The following VSNL1 variants were observed in gnomAD, a reference collection of about 807,000 sequenced individuals.
The protein encoded by VSNL1 is visinin-like protein 1.
Under a neutral mutation model 20.4 loss-of-function variants are expected in VSNL1, and 6 were observed. That is an observed-to-expected ratio of 0.29 (90% CI 0.16 to 0.58). The LOEUF (loss-of-function observed/expected upper bound fraction) is 0.58. Among genes scored for constraint, VSNL1 ranks in the 20% least tolerant of loss-of-function variants. VSNL1 has a pLI of 0.90. For missense variants in VSNL1, 100 were observed against 234.5 expected (o/e 0.43, Z 3.75); for synonymous variants, 93 against 86.4 (o/e 1.08, Z -0.42).
chr2:17,546,301 A>G (rs956487245), intron 1 of VSNL1, among the ~76,000 whole-genome samples: 1 of 152,006 alleles, frequency 6.6e-6, no homozygotes, highest in Non-Finnish European at 1.5e-5. Context: ...GAAAATAGAA[A>G]TCTCTCACTT....
intron 2 of VSNL1, among the ~76,000 whole-genome samples, chr2:17,644,440 C>A (rs1218171827): frequency 6.6e-6 from 1 of 152,090 alleles, no homozygotes; most frequent in Non-Finnish European, 1.5e-5. Flanking sequence ...TGACAGTGCA[C>A]GAGGGGCCCC....
chr2:17,605,331 A>T (rs1287763154), intron 2 of VSNL1, among the ~76,000 whole-genome samples: 2 of 152,160 alleles, frequency 1.3e-5, no homozygotes, highest in African/African-American at 4.8e-5. Context: ...CCTCCAATCC[A>T]TGTGAACCAG....
At chr2:17,592,645 T>C (rs1201040529) in intron 2 of VSNL1, among the ~76,000 whole-genome samples, 1 of 1,748 alleles carries the variant, frequency 5.7e-4, no homozygotes, top group East Asian at 0.25. Flanking sequence ...TCTCTCTTTT[T>C]TTTTTTTTTT....
At chr2:17,570,823 G>T (rs1156645414) in intron 1 of VSNL1, among the ~76,000 whole-genome samples, 1 of 152,120 alleles carries the variant, frequency 6.6e-6, no homozygotes, top group Non-Finnish European at 1.5e-5. Context: ...GAGGTGGGTG[G>T]ATCATGAGGT....
intron 2 of VSNL1, among the ~76,000 whole-genome samples, chr2:17,624,510 C>A (rs1383121973): frequency 6.6e-6 from 1 of 152,178 alleles, no homozygotes; most frequent in Non-Finnish European, 1.5e-5. Flanking sequence ...ATAGGGAGAG[C>A]ATTCTGTATT....
chr2:17,643,127 C>A (rs1047085663), intron 2 of VSNL1, among the ~76,000 whole-genome samples: 1 of 152,162 alleles, frequency 6.6e-6, no homozygotes, highest in Admixed American at 6.5e-5. Flanking sequence ...AGAGACCAGA[C>A]CTTCTATCTT....
intron 2 of VSNL1, among the ~76,000 whole-genome samples, chr2:17,609,430 T>C (rs1163972625): frequency 6.6e-6 from 1 of 152,186 alleles, no homozygotes; most frequent in Non-Finnish European, 1.5e-5. Context: ...TAAAAGTCAG[T>C]TACTATGGAA....
intron 3 of VSNL1, among the ~76,000 whole-genome samples, chr2:17,654,249 C>T (rs955276409): frequency 2.0e-5 from 3 of 152,162 alleles, no homozygotes; most frequent in African/African-American, 7.2e-5. Context: ...TTGGAAATTT[C>T]ATATCAAGAA....
At chr2:17,586,910 G>A (rs180735381) in intron 1 of VSNL1, among the ~76,000 whole-genome samples, 3 of 152,282 alleles carry the variant, frequency 2.0e-5, no homozygotes. Flanking sequence ...AGCATGAGAA[G>A]GCCAGTCTCT....
chr2:17,616,866 G>A (rs1665229478), intron 2 of VSNL1, among the ~76,000 whole-genome samples: 1 of 152,184 alleles, frequency 6.6e-6, no homozygotes, highest in Admixed American at 6.5e-5. Context: ...AGGCCTCAGG[G>A]GGTGAGCTGG....
chr2:17,579,716 T>C (rs547296950), intron 1 of VSNL1, among the ~76,000 whole-genome samples: 1 of 152,166 alleles, frequency 6.6e-6, no homozygotes, highest in East Asian at 1.9e-4. Context: ...AATGAACTTA[T>C]CAAAGCACCG....
At chr2:17,645,847 G>A (rs1204531716) in intron 2 of VSNL1, among the ~76,000 whole-genome samples, 1 of 135,366 alleles carries the variant, frequency 7.4e-6, no homozygotes, top group Non-Finnish European at 1.7e-5. Flanking sequence ...GTACAACCGG[G>A]AGCAGTCAAG....
At chr2:17,546,494 A>G (rs1043523776) in intron 1 of VSNL1, among the ~76,000 whole-genome samples, 2 of 151,970 alleles carry the variant, frequency 1.3e-5, no homozygotes, top group African/African-American at 4.8e-5. Flanking sequence ...ACAGATCCTA[A>G]TATTTCTGTT....
chr2:17,594,431 G>A (rs1388504979), intron 2 of VSNL1, among the ~76,000 whole-genome samples: 3 of 152,198 alleles, frequency 2.0e-5, no homozygotes, highest in South Asian at 2.1e-4. Context: ...AAAGAAAGGC[G>A]GATCTGATAA....
At chr2:17,616,179 T>A (rs1241672941) in intron 2 of VSNL1, among the ~76,000 whole-genome samples, 3 of 152,216 alleles carry the variant, frequency 2.0e-5, no homozygotes, top group Non-Finnish European at 4.4e-5. Context: ...TCTGCAACAT[T>A]GCACCTCCAG....
At chr2:17,629,153 A>G (rs1665577496) in intron 2 of VSNL1, among the ~76,000 whole-genome samples, 1 of 152,220 alleles carries the variant, frequency 6.6e-6, no homozygotes, top group Non-Finnish European at 1.5e-5. Context: ...ACCCACACCC[A>G]GACTGAGTTT....
intron 2 of VSNL1, among the ~76,000 whole-genome samples, chr2:17,622,152 C>T (rs1665373114): frequency 6.6e-6 from 1 of 151,326 alleles, no homozygotes; most frequent in East Asian, 1.9e-4. Context: ...CAGCCTTCTA[C>T]TAGCTCATCC....
chr2:17,625,102 G>A (rs1665479021), intron 2 of VSNL1, among the ~76,000 whole-genome samples: 1 of 152,120 alleles, frequency 6.6e-6, no homozygotes, highest in Non-Finnish European at 1.5e-5. Context: ...GTTTTATCAG[G>A]GGTTTCCGCT....
chr2:17,647,280 G>A (rs1666018958), intron 2 of VSNL1, among the ~76,000 whole-genome samples: 1 of 152,102 alleles, frequency 6.6e-6, no homozygotes, highest in South Asian at 2.1e-4. Context: ...AAACCTACAC[G>A]AATGGAGGTT....
Sources: gnomAD v4.1 joint callset for allele counts (sites outside exome capture counted in the v4.1 genomes callset) on GRCh38, gnomAD v4.1.1 for gene constraint, MANE v1.5 for transcripts, NCBI Gene and HGNC (gene_info 2026-07-23, HGNC 2026-07-21) for gene names.